ACOT11: variants seen among roughly 807,000 people sequenced by gnomAD.
The protein encoded by ACOT11 is acyl-CoA thioesterase 11, also known as acyl-coenzyme A thioesterase 11.
In ACOT11, 69 loss-of-function variants were observed where a neutral mutation model predicts 77.5. The observed-to-expected ratio is 0.89, with a 90% CI of 0.73 to 1.09. The LOEUF is 1.09. Among genes scored for constraint, ACOT11 ranks in the 50% least tolerant of loss-of-function variants. The pLI is 0.00. For missense variants in ACOT11, 766 were observed against 813.7 expected (o/e 0.94, Z 0.71); for synonymous variants, 279 against 313.0 (o/e 0.89, Z 1.15).
chr1:54,635,298 A>G (rs1644325175), exon 17 of ACOT11: 1 of 232,846 alleles, frequency 4.3e-6, no homozygotes, highest in African/African-American at 2.4e-5. Context: ...CGGTCACACT[A>G]TGTTCAGATG....
intron 1 of ACOT11, among the ~76,000 whole-genome samples, chr1:54,578,174 C>A (rs992428972): frequency 1.3e-5 from 2 of 149,192 alleles, no homozygotes; most frequent in Non-Finnish European, 2.9e-5. Context: ...ACAAGGGGAA[C>A]AAACACATTG....
In ACOT11 at chr1:54,608,041, C is replaced by A; in HGVS notation, c.1602C>A (p.Leu534=). The A allele has an allele frequency of 6.2e-7, 1 of 1,612,922 alleles. No individual in the cohort carries two copies. The highest frequency in any genetic ancestry group is 1.1e-5 in the South Asian group (1 of 91,034). The stretch of plus-strand genomic sequence containing the variant: ...AGACCCTCTGCTCAGGCTTCTGCCT[C>A]TGGCGCGAGGGGGACCAGCTGACCA... ...RGETLCSGFC[L]WREGDQLTKV... is the part of the protein sequence containing the mutation. The change falls in exon 15 of 16, where the codon CTC becomes CTA. Residue 534 remains leucine (L), a synonymous_variant. Transcript: ENST00000343744.
chr1:54,605,098 A>T lies in ACOT11; in HGVS notation c.1259A>T (p.Asp420Val). 6.2e-7 allele frequency: 1 copy of T among 1,613,842 alleles called. No homozygotes were observed. Among genetic ancestry groups the T allele is most frequent in the South Asian group, 1.1e-5 (1 of 91,070 alleles). The change falls in exon 13 of 16, where the codon GAT (aspartate) becomes GTT (valine). Residue 420 changes from aspartate to valine, a missense_variant. Asp to Val is a radical substitution (Grantham distance 152, BLOSUM62 -3). Coordinates refer to ENST00000343744, the MANE Select transcript of ACOT11 (RefSeq NM_147161.4). ...CAGGTCCGCCTGTACACTCTGGAGG[A>T]TGACAAGTTCCTCTCCTTCCACATG... Reference protein sequence around the residue: ...ISQVRLYTLEDDKFLSFHMEM... With the variant: ...ISQVRLYTLEVDKFLSFHMEM...
At chr1:54,611,149 TG>T (rs1644113274), downstream of ACOT11, 1 of 589,114 alleles carries the variant, frequency 1.7e-6, no homozygotes, top group Non-Finnish European at 2.1e-6. Flanking sequence ...AAAATGAATG[TG>T]TGGGTCAGGC....
chr1:54,563,631 A>G (rs1180291917), intron 1 of ACOT11, among the ~76,000 whole-genome samples: 1 of 152,192 alleles, frequency 6.6e-6, no homozygotes, highest in East Asian at 1.9e-4. Context: ...ACAGCCTAGA[A>G]AGCTCTATGG....
At chr1:54,576,725 T>G (rs907776391) in intron 1 of ACOT11, among the ~76,000 whole-genome samples, 1 of 152,134 alleles carries the variant, frequency 6.6e-6, no homozygotes, top group Non-Finnish European at 1.5e-5. Context: ...ACTTAGCAAT[T>G]TAGCTTGATT....
At chr1:54,587,407 G>A (rs545412591) in intron 3 of ACOT11, among the ~76,000 whole-genome samples, 19 of 151,754 alleles carry the variant, frequency 1.3e-4, no homozygotes, top group African/African-American at 4.6e-4. Context: ...CCAGCTACTC[G>A]GGAGGCTGAG....
chr1:54,610,610 C>T (rs1644107850), downstream of ACOT11: 1 of 1,583,192 alleles, frequency 6.3e-7, no homozygotes, highest in Non-Finnish European at 8.6e-7. Context: ...GAACACCTTA[C>T]CTGGTTGCTA....
chr1:54,601,624 A>G (rs1643965508), intron 9 of ACOT11, among the ~76,000 whole-genome samples: 2 of 152,128 alleles, frequency 1.3e-5, no homozygotes, highest in Non-Finnish European at 1.5e-5. Context: ...CAGAACTCGG[A>G]GTATGTGTGG....
intron 15 of ACOT11, among the ~76,000 whole-genome samples, chr1:54,625,694 T>C (rs1644267547): frequency 1.3e-5 from 2 of 151,972 alleles, no homozygotes; most frequent in African/African-American, 4.8e-5. Flanking sequence ...TCCCAGCACT[T>C]TGGGAGGCTG....
At chr1:54,562,808 G>A (rs1294136866) in intron 1 of ACOT11, among the ~76,000 whole-genome samples, 1 of 103,900 alleles carries the variant, frequency 9.6e-6, no homozygotes, top group African/African-American at 3.9e-5. Flanking sequence ...CTCAGACGAT[G>A]GGCGGCCGGG....
Position 54,609,301 on chromosome 1 carries a change from G to C in ACOT11, c.*189G>C. ...TACCAACATGAGCCAGCAAGTCCTT[G>C]TGGTAGCCCTGGGGTAGCCTGTAGT... is the stretch of plus-strand genomic sequence containing the variant. On this transcript the variant is annotated 3_prime_UTR_variant, in exon 16 of 16. Transcript: ENST00000343744. The C allele has an allele frequency of 1.2e-6, 2 of 1,610,142 alleles. No homozygotes were observed. The highest frequency in any genetic ancestry group is 1.7e-6 in the Non-Finnish European group (2 of 1,177,036).
At chr1:54,614,030 A>G (rs1644145460), downstream of ACOT11, among the ~76,000 whole-genome samples, 1 of 152,230 alleles carries the variant, frequency 6.6e-6, no homozygotes, top group African/African-American at 2.4e-5. Flanking sequence ...TCTGCAAGTC[A>G]AGTGCTTAAA....
intron 1 of ACOT11, among the ~76,000 whole-genome samples, chr1:54,581,756 T>C (rs1448616668): frequency 6.6e-6 from 1 of 152,080 alleles, no homozygotes; most frequent in Non-Finnish European, 1.5e-5. Flanking sequence ...GCCCTGACTC[T>C]ATCCAGGGCC....
At chr1:54,552,319 A>G (rs1653099847) in intron 1 of ACOT11, among the ~76,000 whole-genome samples, 1 of 152,138 alleles carries the variant, frequency 6.6e-6, no homozygotes, top group Non-Finnish European at 1.5e-5. Context: ...AGGAGTCCCA[A>G]AACTGCTGAA....
At chr1:54,555,454 C>G (rs1197583230) in intron 1 of ACOT11, among the ~76,000 whole-genome samples, 2 of 151,740 alleles carry the variant, frequency 1.3e-5, no homozygotes, top group East Asian at 3.9e-4. Context: ...AGTTGTTTTA[C>G]TTCTTTGTAT....
At chr1:54,567,874 G>A (rs906819579) in intron 1 of ACOT11, among the ~76,000 whole-genome samples, 1 of 152,090 alleles carries the variant, frequency 6.6e-6, no homozygotes, top group Non-Finnish European at 1.5e-5. Context: ...CCATCCTAAA[G>A]TTCACCTCCA....
downstream of ACOT11, chr1:54,611,525 C>A: frequency 2.0e-6 from 3 of 1,475,848 alleles, no homozygotes; most frequent in Non-Finnish European, 2.8e-6. Flanking sequence ...ATCCCTTCCA[C>A]CCAGCTCTGC....
At chr1:54,583,996 G>A (rs1431569003) in intron 1 of ACOT11, among the ~76,000 whole-genome samples, 3 of 152,084 alleles carry the variant, frequency 2.0e-5, no homozygotes, top group East Asian at 3.9e-4. Flanking sequence ...AGAAACCCCA[G>A]CTCTAATTCA....
Sources: gnomAD v4.1 joint callset for allele counts (sites outside exome capture counted in the v4.1 genomes callset) on GRCh38, gnomAD v4.1.1 for gene constraint, MANE v1.5 for transcripts, NCBI Gene and HGNC (gene_info 2026-07-23, HGNC 2026-07-21) for gene names.